Variants in NCS1 observed in about 807,000 individuals in gnomAD.
The protein encoded by NCS1 is neuronal calcium sensor 1, also known as frequenin homolog.
NCS1 carries 6 observed loss-of-function variants against 28.4 expected under a neutral mutation model. The ratio of observed to expected loss-of-function variants is 0.21; its 90% CI spans 0.12 to 0.42. The LOEUF (loss-of-function observed/expected upper bound fraction) is 0.42. NCS1 is among the 10% of genes least tolerant of loss of function. The pLI is 1.00. For missense variants in NCS1, 131 were observed against 241.4 expected (o/e 0.54, Z 3.03); for synonymous variants, 86 against 99.3 (o/e 0.87, Z 0.79).
intron 1 of NCS1, among the ~76,000 whole-genome samples, chr9:130,190,031 C>CG (rs1564704727): frequency 2.9e-4 from 11 of 37,492 alleles, no homozygotes; most frequent in African/African-American, 5.6e-4. Flanking sequence ...TATGTTTATG[C>CG]AAGAGAGAGA....
At chr9:130,200,755 G>A in intron 1 of NCS1, 1 of 1,406,282 alleles carries the variant, frequency 7.1e-7, no homozygotes, top group East Asian at 2.4e-5. Flanking sequence ...TGGGGCCAGT[G>A]TCCCCTGCTG....
chr9:130,195,331 C>T (rs782589191), intron 1 of NCS1, among the ~76,000 whole-genome samples: 3 of 152,156 alleles, frequency 2.0e-5, no homozygotes, highest in Non-Finnish European at 2.9e-5. Context: ...GGCCCTCTGT[C>T]GTGGAACCCA....
chr9:130,173,903 C>T (rs1378826370), intron 1 of NCS1, among the ~76,000 whole-genome samples: 3 of 152,200 alleles, frequency 2.0e-5, no homozygotes, highest in African/African-American at 7.2e-5. Context: ...CAGCTCCATG[C>T]CCCTCACCCC....
chr9:130,220,334 G>T (rs938701893), intron 4 of NCS1, among the ~76,000 whole-genome samples: 2 of 152,198 alleles, frequency 1.3e-5, no homozygotes, highest in African/African-American at 4.8e-5. Context: ...TCCACTGGGG[G>T]ATAAGATAGA....
At position 130,226,351 on chromosome 9, in the gene NCS1, G is replaced by A; in HGVS notation, c.475-38G>A. On this transcript the variant is annotated intron_variant, in intron 6 of 7. Transcript: ENST00000372398. This position sits in a 1 kb window ranked among gnomAD's most constrained non-coding sequence, Gnocchi z 4.8. ...GGGCTTGTCTAGAGCCCTCTCCTGG[G>A]AGGCCCTGCACCCTCAGCCGCCTCT... 1 of 1,565,158 alleles carries A rather than the reference G, an allele frequency of 6.4e-7. No homozygotes were observed. The highest frequency in any genetic ancestry group is 1.7e-5 in the Admixed American group (1 of 59,838).
At position 130,236,431 on chromosome 9, in the gene NCS1, A is replaced by G. The variant is rs1200908475; in HGVS notation, c.*3459A>G. On this transcript the variant is annotated 3_prime_UTR_variant, in exon 8 of 8. Coordinates refer to ENST00000372398, the MANE Select transcript of NCS1 (RefSeq NM_014286.4). The stretch of plus-strand genomic sequence containing the variant: ...GGCGAGGAGGGGGCTGTGAGTCCTC[A>G]GAGGCCCTGGGCCACCACATTTCTG... 6.6e-6 allele frequency: 1 copy of G among 152,124 alleles called. No homozygotes were observed. Among genetic ancestry groups the G allele is most frequent in the Non-Finnish European group, 1.5e-5 (1 of 68,056 alleles). 9.4% of individuals were successfully genotyped at this position (152,124 alleles called of 1,614,324 possible).
At position 130,177,186 on chromosome 9, in the gene NCS1, G is replaced by T. The variant is rs916084591; in HGVS notation, c.64+4459G>T. ...GCCTCTGTGACCCCGAGCAGAGGAC[G>T]GGTCCCTGGCTCCAGGTTGGGGTCA... On this transcript the variant is annotated intron_variant, in intron 1 of 7. Coordinates refer to ENST00000372398, the MANE Select transcript of NCS1 (RefSeq NM_014286.4). This position sits in a 1 kb window ranked among gnomAD's most constrained non-coding sequence, Gnocchi z 4.4. Among the ~76,000 whole-genome samples the T allele has an allele frequency of 6.6e-6, 1 of 152,226 alleles. No individual in the cohort carries two copies. Among genetic ancestry groups the T allele is most frequent in the Non-Finnish European group, 1.5e-5 (1 of 68,038 alleles).
chr9:130,185,586 G>A lies in NCS1; in HGVS notation c.64+12859G>A, dbSNP rs77441453. ...AGGGGTCCAAGCCGCCAGCCAGCCA[G>A]CAAGGCCCCTCCTCCCGGCCCTGCT... On this transcript the variant is annotated intron_variant, in intron 1 of 7. Coordinates refer to ENST00000372398, the MANE Select transcript of NCS1 (RefSeq NM_014286.4). 6.6e-3 allele frequency among the ~76,000 whole-genome samples: 1,002 copies of A among 152,362 alleles called. 20 individuals are homozygous for A. The highest frequency in any genetic ancestry group is 0.023 in the African/African-American group (965 of 41,600).
chr9:130,179,955 T>C (rs1554904988), intron 1 of NCS1, among the ~76,000 whole-genome samples: 1 of 152,066 alleles, frequency 6.6e-6, no homozygotes, highest in Non-Finnish European at 1.5e-5. Context: ...CCAAGGTGAG[T>C]TGGCTGTTGG....
At chr9:130,201,826 A>T (rs1463355018) in intron 2 of NCS1, among the ~76,000 whole-genome samples, 1 of 152,096 alleles carries the variant, frequency 6.6e-6, no homozygotes, top group Non-Finnish European at 1.5e-5. Flanking sequence ...CCATCCTGGG[A>T]TTGAGTTTCC....
chr9:130,177,351 C>T lies in NCS1; in HGVS notation c.64+4624C>T, dbSNP rs1413815758. 6.6e-6 allele frequency among the ~76,000 whole-genome samples: 1 copy of T among 152,176 alleles called. No individual in the cohort carries two copies. The highest frequency in any genetic ancestry group is 6.5e-5 in the Admixed American group (1 of 15,278). ...CCAGGGTGGGCCAAGCTGCTGCCTTCAGGAGGCAGTCACTGGAGACCATCT... is the reference window on the plus strand; with the variant it reads ...CCAGGGTGGGCCAAGCTGCTGCCTTTAGGAGGCAGTCACTGGAGACCATCT... On this transcript the variant is annotated intron_variant, in intron 1 of 7. Coordinates refer to ENST00000372398, the MANE Select transcript of NCS1 (RefSeq NM_014286.4). This position sits in a 1 kb window ranked among gnomAD's most constrained non-coding sequence, Gnocchi z 4.4.
At chr9:130,228,979 C>G (rs1833457860) in intron 7 of NCS1, among the ~76,000 whole-genome samples, 1 of 151,978 alleles carries the variant, frequency 6.6e-6, no homozygotes, top group Admixed American at 6.6e-5. Flanking sequence ...CAGGCCTACA[C>G]TGTTTTGAAG....
chr9:130,209,076 G>A lies in NCS1; in HGVS notation c.89+8094G>A, dbSNP rs1554908430. Among the ~76,000 whole-genome samples the A allele has an allele frequency of 6.6e-6, 1 of 152,198 alleles. No homozygotes were observed. Among genetic ancestry groups the A allele is most frequent in the Non-Finnish European group, 1.5e-5 (1 of 68,032 alleles). On this transcript the variant is annotated intron_variant, in intron 2 of 7. Coordinates refer to ENST00000372398, the MANE Select transcript of NCS1 (RefSeq NM_014286.4). This position sits in a 1 kb window ranked among gnomAD's most constrained non-coding sequence, Gnocchi z 4.4. ...CCTCCAGGTCTCCAGGGAGTGTGGG[G>A]AGGGGCATGCCACTGGAGAGAGTTG...
chr9:130,201,629 T>A (rs950231095), intron 2 of NCS1, among the ~76,000 whole-genome samples: 1 of 152,078 alleles, frequency 6.6e-6, no homozygotes, highest in Non-Finnish European at 1.5e-5. Context: ...GGCTGAGCTG[T>A]AGGGGTGGCA....
rs903918616 is a variant in NCS1 at position 130,205,476 on chromosome 9, C to T, written c.89+4494C>T. Among the ~76,000 whole-genome samples the T allele has an allele frequency of 5.6e-5, 8 of 143,312 alleles. No individual in the cohort carries two copies. In the East Asian group the frequency reaches 1.7e-3, roughly 30 times the overall value. 94.0% of individuals were successfully genotyped at this position (143,312 alleles called of 152,430 possible). On this transcript the variant is annotated intron_variant, in intron 2 of 7. Coordinates refer to ENST00000372398, the MANE Select transcript of NCS1 (RefSeq NM_014286.4). ...GGAGGATGGCTTGAGCCCAGGAGGT[C>T]GAGGCTGCAATGAGCTATGATTGCC...
chr9:130,206,891 G>T (rs1368614636), intron 2 of NCS1, among the ~76,000 whole-genome samples: 1 of 152,180 alleles, frequency 6.6e-6, no homozygotes, highest in African/African-American at 2.4e-5. Flanking sequence ...GGAGCAGCGG[G>T]CCACAGTGGA....
At position 130,208,679 on chromosome 9, in the gene NCS1, C is replaced by A. The variant is rs144071561; in HGVS notation, c.89+7697C>A. Among the ~76,000 whole-genome samples, 105 of 152,356 alleles carry A rather than the reference C, an allele frequency of 6.9e-4. No homozygotes were observed. The East Asian group carries it at 0.017, about 25-fold the overall frequency. On this transcript the variant is annotated intron_variant, in intron 2 of 7. Transcript: ENST00000372398. ...GAATTCTGTCCTCGCATCAACACGGCCAGCTGTTGATTCTGGGCCGCGCCA... is the reference window on the plus strand; with the variant it reads ...GAATTCTGTCCTCGCATCAACACGGACAGCTGTTGATTCTGGGCCGCGCCA...
At position 130,219,818 on chromosome 9, in the gene NCS1, C is replaced by T. The variant is rs782493500; in HGVS notation, c.307+15C>T. On this transcript the variant is annotated intron_variant, in intron 4 of 7. Coordinates refer to ENST00000372398, the MANE Select transcript of NCS1 (RefSeq NM_014286.4). The surrounding 1 kb of genome is among the most constrained non-coding windows in gnomAD (Gnocchi z 5.7). ...GAAGCTACGGTGTAAGTCCTGCCCC[C>T]TTGGCCCTGTGTGGCAGCAGCTGGA... The T allele has an allele frequency of 1.2e-6, 2 of 1,613,808 alleles. No homozygotes were observed. The highest frequency in any genetic ancestry group is 1.7e-5 in the Admixed American group (1 of 60,008).
chr9:130,229,762 G>A (rs1225112237), intron 7 of NCS1, among the ~76,000 whole-genome samples: 2 of 152,000 alleles, frequency 1.3e-5, no homozygotes, highest in African/African-American at 4.8e-5. Flanking sequence ...TCTTCTATAG[G>A]GCTGTTCCTT....
Sources: allele counts gnomAD v4.1 joint callset (sites outside exome capture counted in the v4.1 genomes callset), GRCh38; gene constraint gnomAD v4.1.1; non-coding constraint Gnocchi (gnomAD v3.1); transcripts MANE v1.5; gene names NCBI Gene and HGNC (gene_info 2026-07-23, HGNC 2026-07-21).